The following ANKS1A variants were observed in gnomAD, a reference collection of about 807,000 sequenced individuals.
The protein encoded by ANKS1A is ankyrin repeat and SAM domain-containing protein 1A.
In ANKS1A, 55 loss-of-function variants were observed where a neutral mutation model predicts 120.3. That is an observed-to-expected ratio of 0.46 (90% confidence interval 0.37 to 0.57). The LOEUF (loss-of-function observed/expected upper bound fraction) is 0.57. Among genes scored for constraint, ANKS1A ranks in the 20% least tolerant of loss-of-function variants. The pLI is 0.00. For missense variants in ANKS1A, 1,123 were observed against 1,480.3 expected, an observed-to-expected ratio of 0.76 and a Z score of 3.96; for synonymous variants, 590 against 604.7, an observed-to-expected ratio of 0.98 and a Z score of 0.36.
intron 11 of ANKS1A, among the ~76,000 whole-genome samples, chr6:35,051,419 A>G (rs1363379610): frequency 1.3e-5 from 2 of 152,174 alleles, no homozygotes; most frequent in Non-Finnish European, 2.9e-5. Context: ...ATGTTAAGTG[A>G]TTATGGTGAT....
chr6:35,043,640 G>T (rs185602038), intron 11 of ANKS1A, among the ~76,000 whole-genome samples: 175 of 152,302 alleles, frequency 1.1e-3, no homozygotes, highest in Non-Finnish European at 1.8e-3. Context: ...GATGAGGGTT[G>T]TTTAGTTTGG....
intron 13 of ANKS1A, among the ~76,000 whole-genome samples, chr6:35,075,908 G>T (rs546923987): frequency 2.0e-5 from 3 of 152,016 alleles, no homozygotes; most frequent in Non-Finnish European, 4.4e-5. Context: ...CCACAGCTGC[G>T]CACCACCATT....
intron 1 of ANKS1A, among the ~76,000 whole-genome samples, chr6:34,954,013 A>C (rs1333403112): frequency 1.3e-5 from 2 of 152,214 alleles, no homozygotes; most frequent in African/African-American, 4.8e-5. Flanking sequence ...CCCCCAAATA[A>C]TAGTGAAGGC....
intron 13 of ANKS1A, among the ~76,000 whole-genome samples, chr6:35,075,361 T>C (rs1156972210): frequency 6.6e-6 from 1 of 150,434 alleles, no homozygotes; most frequent in Non-Finnish European, 1.5e-5. Context: ...AAAAGATAAA[T>C]AGCAAACTGG....
chr6:34,963,007 A>G (rs1347288503), intron 1 of ANKS1A, among the ~76,000 whole-genome samples: 1 of 151,340 alleles, frequency 6.6e-6, no homozygotes, highest in Non-Finnish European at 1.5e-5. Context: ...GATTACAGGC[A>G]TGTGCTACCA....
At chr6:35,087,477 G>C (rs1314748680) in intron 23 of ANKS1A, among the ~76,000 whole-genome samples, 1 of 152,166 alleles carries the variant, frequency 6.6e-6, no homozygotes, top group Non-Finnish European at 1.5e-5. Flanking sequence ...CCTGTCTGCT[G>C]TACTGAGCCA....
chr6:35,080,266 C>T (rs1777602645), intron 16 of ANKS1A, among the ~76,000 whole-genome samples: 1 of 152,144 alleles, frequency 6.6e-6, no homozygotes, highest in South Asian at 2.1e-4. Flanking sequence ...CACCTGGGCA[C>T]CCCCCAAATC....
intron 11 of ANKS1A, 136 bp downstream of exon 11, chr6:35,018,195 A>C (rs1307983919): frequency 1.2e-6 from 1 of 839,962 alleles, no homozygotes; most frequent in Non-Finnish European, 1.9e-6. Context: ...TAACTAATGT[A>C]TTTCTGACAA....
chr6:34,984,584 T>C (rs1394388031), intron 7 of ANKS1A, among the ~76,000 whole-genome samples: 1 of 152,194 alleles, frequency 6.6e-6, no homozygotes. Flanking sequence ...AGTTGGTAAC[T>C]TTGCAGAGTC....
chr6:34,933,046 A>T (rs1769068141), intron 1 of ANKS1A, among the ~76,000 whole-genome samples: 1 of 151,986 alleles, frequency 6.6e-6, no homozygotes, highest in South Asian at 2.1e-4. Context: ...GTGATTTTTG[A>T]TTTGTCTTTC....
At chr6:35,083,609 C>A in intron 20 of ANKS1A, 106 bp downstream of exon 20, 1 of 1,043,550 alleles carries the variant, frequency 9.6e-7, no homozygotes, top group Non-Finnish European at 1.5e-6. Context: ...TCTCTTATCT[C>A]CCTAGAGGGT....
intron 1 of ANKS1A, among the ~76,000 whole-genome samples, chr6:34,937,976 C>T (rs1157008031): frequency 6.6e-6 from 1 of 152,164 alleles, no homozygotes; most frequent in South Asian, 2.1e-4. Flanking sequence ...GATGCTTCCA[C>T]AGCTTCTCCC....
At chr6:35,062,889 A>G (rs1776584889) in intron 13 of ANKS1A, among the ~76,000 whole-genome samples, 1 of 152,178 alleles carries the variant, frequency 6.6e-6, no homozygotes, top group Non-Finnish European at 1.5e-5. Context: ...TTGAGTCAAA[A>G]TCTGTTTCCT....
At chr6:34,980,757 C>T (rs1181481559) in intron 3 of ANKS1A, among the ~76,000 whole-genome samples, 2 of 152,192 alleles carry the variant, frequency 1.3e-5, no homozygotes, top group Non-Finnish European at 2.9e-5. Context: ...TCTAATTAGA[C>T]ATTGTCAGTA....
chr6:34,922,988 G>A (rs894730153), intron 1 of ANKS1A, among the ~76,000 whole-genome samples: 2 of 152,176 alleles, frequency 1.3e-5, no homozygotes, highest in Non-Finnish European at 2.9e-5. Context: ...ACTGTGCCCA[G>A]CCTCCAGGCC....
intron 1 of ANKS1A, among the ~76,000 whole-genome samples, chr6:34,916,052 G>T (rs1011415971): frequency 6.7e-6 from 1 of 149,212 alleles, no homozygotes; most frequent in African/African-American, 2.5e-5. Flanking sequence ...GAGTGCAGTG[G>T]TGCAATCTCG....
At chr6:34,983,923 G>A (rs1772047497) in intron 7 of ANKS1A, among the ~76,000 whole-genome samples, 2 of 151,236 alleles carry the variant, frequency 1.3e-5, no homozygotes, top group South Asian at 4.2e-4. Flanking sequence ...TCCCAAGTAC[G>A]TGGGATTACA....
intron 3 of ANKS1A, among the ~76,000 whole-genome samples, chr6:34,977,158 C>T (rs950716947): frequency 6.6e-6 from 1 of 152,112 alleles, no homozygotes; most frequent in Non-Finnish European, 1.5e-5. Context: ...TTTAAGAGCA[C>T]AGGGCAGTTG....
At chr6:34,922,947 TC>T (rs1444511011) in intron 1 of ANKS1A, among the ~76,000 whole-genome samples, 6 of 152,240 alleles carry the variant, frequency 3.9e-5, no homozygotes, top group Non-Finnish European at 1.5e-5. Context: ...CCTCTCGGCC[TC>T]CCAAAGTGCT....
Sources: allele counts gnomAD v4.1 joint callset (sites outside exome capture counted in the v4.1 genomes callset), GRCh38; gene constraint gnomAD v4.1.1; transcripts MANE v1.5; gene names NCBI Gene and HGNC (gene_info 2026-07-23, HGNC 2026-07-21).